Variants in ARHGEF10 observed in about 807,000 individuals in gnomAD.
The protein encoded by ARHGEF10 is Rho guanine nucleotide exchange factor (GEF) 10.
A neutral mutation model predicts 147.4 loss-of-function variants in ARHGEF10; 140 were observed. The observed-to-expected ratio is 0.95, with a 90% CI of 0.83 to 1.09. The LOEUF (loss-of-function observed/expected upper bound fraction) is 1.09, where lower values mean the gene tolerates loss of function less well. Among genes scored for constraint, ARHGEF10 ranks in the 50% least tolerant of loss-of-function variants. The pLI, the probability that ARHGEF10 is intolerant of heterozygous loss-of-function variation, is 0.00. For missense variants in ARHGEF10, 2,222 were observed against 1,752.7 expected, an observed-to-expected ratio of 1.27 and a Z score of -4.78; for synonymous variants, 902 against 695.8, an observed-to-expected ratio of 1.30 and a Z score of -4.67.
At chr8:1,843,288 C>T in intron 1 of ARHGEF10, 65 bp from the exon 2 acceptor site, 1 of 1,303,316 alleles carries the variant, frequency 7.7e-7, no homozygotes, top group Admixed American at 1.9e-5. Context: ...GTCGACAGCC[C>T]TACACCTATT....
At position 1,866,568 on chromosome 8, in the gene ARHGEF10, G is replaced by T. The variant is rs1225951895; in HGVS notation, c.588G>T (p.Trp196Cys). Residue 196 changes from tryptophan to cysteine, a missense_variant, in exon 6 of 29, where the codon TGG becomes TGT. Transcript: ENST00000349830. ...VGREDSALAR[W>C]AADPANTAWM... ...GAGAGGACAGCGCACTTGCCCGCTG[G>T]GCCGCAGACCCGGCCAACACAGCCT... The T allele has an allele frequency of 6.2e-7, 1 of 1,608,590 alleles. No homozygotes were observed.
chr8:1,955,552 T>A (rs534929899), intron 28 of ARHGEF10, among the ~76,000 whole-genome samples: 2 of 148,026 alleles, frequency 1.4e-5, no homozygotes, highest in African/African-American at 2.5e-5. Context: ...GCACTCTCAC[T>A]GTTTCTCTGG....
At chr8:1,878,821 C>G (rs1356944742) in intron 8 of ARHGEF10, among the ~76,000 whole-genome samples, 3 of 152,160 alleles carry the variant, frequency 2.0e-5, no homozygotes, top group Non-Finnish European at 2.9e-5. Context: ...GCAGCCCTCC[C>G]TGCTGGGCGA....
intron 2 of ARHGEF10, among the ~76,000 whole-genome samples, chr8:1,849,186 A>T (rs1804779517): frequency 6.6e-6 from 1 of 152,282 alleles, no homozygotes; most frequent in Non-Finnish European, 1.5e-5. Context: ...TCAAATTAGA[A>T]TAGCCAAAAT....
chr8:1,903,668 G>C, intron 16 of ARHGEF10: 1 of 625,536 alleles, frequency 1.6e-6, no homozygotes, highest in Non-Finnish European at 2.8e-6. Context: ...ATTTTCTTAG[G>C]AAAGAGATTC....
intron 15 of ARHGEF10, among the ~76,000 whole-genome samples, chr8:1,899,784 C>A (rs574109000): frequency 5.3e-5 from 8 of 152,326 alleles, no homozygotes; most frequent in African/African-American, 1.9e-4. Flanking sequence ...ACGTGCGAGA[C>A]GCTGTTGGCT....
Position 1,843,355 on chromosome 8 carries a change from G to A in ARHGEF10, c.-45G>A, listed in dbSNP as rs2129051440. The A allele has an allele frequency of 6.2e-7, 1 of 1,611,700 alleles. No individual in the cohort carries two copies. The highest frequency in any genetic ancestry group is 8.5e-7 in the Non-Finnish European group (1 of 1,179,696). ...AGCAGTGTCTCTCCTTCTTGCAGGA[G>A]CTCCTTCCCTTAACAGAGCTGAGAG... On this transcript the variant is annotated splice_region_variant and 5_prime_UTR_variant, in exon 2 of 29. Transcript: ENST00000349830.
chr8:1,866,185 G>C (rs974070990), intron 5 of ARHGEF10, among the ~76,000 whole-genome samples: 5 of 152,152 alleles, frequency 3.3e-5, no homozygotes, highest in Non-Finnish European at 4.4e-5. Flanking sequence ...GTTGTGAGCA[G>C]GGCCTAAGAG....
rs568263481 is a variant in ARHGEF10 at position 1,955,609 on chromosome 8, C to T, written c.3521-1140C>T. Among the ~76,000 whole-genome samples, 6 of 151,766 alleles carry T rather than the reference C, an allele frequency of 4.0e-5. No homozygotes were observed. The South Asian group carries it at 1.2e-3, about 32-fold the overall frequency. The stretch of plus-strand genomic sequence containing the variant: ...GAAAGGAGGTGCACTCTCACTGTTT[C>T]TCTGGATGGGTAGCGAGGTGCTTCC... On this transcript the variant is annotated intron_variant, in intron 28 of 28. Transcript: ENST00000349830.
At chr8:1,826,240 T>A in intron 1 of ARHGEF10, 1 of 1,061,180 alleles carries the variant, frequency 9.4e-7, no homozygotes, top group Non-Finnish European at 1.4e-6. Context: ...TTTATGTTTT[T>A]AAAAGTTGAT....
intron 6 of ARHGEF10, among the ~76,000 whole-genome samples, chr8:1,868,648 C>G (rs558886351): frequency 2.6e-5 from 4 of 152,182 alleles, no homozygotes; most frequent in Non-Finnish European, 5.9e-5. Flanking sequence ...CATTTTGATA[C>G]TTGCTACTAC....
In ARHGEF10 at chr8:1,893,633, A is replaced by G; in HGVS notation, c.1247A>G (p.Lys416Arg). The G allele has an allele frequency of 6.2e-7, 1 of 1,612,552 alleles. No homozygotes were observed. The highest frequency in any genetic ancestry group is 8.5e-7 in the Non-Finnish European group (1 of 1,178,676). The change falls in exon 12 of 29, where the codon AAG becomes AGG. Residue 416 changes from lysine (K) to arginine (R), a missense_variant. By Grantham distance (26) the Lys-to-Arg change is conservative (BLOSUM62 2). Transcript: ENST00000349830. ...DSEKNYVDAL[K>R]RILEQYEKPL... ...GAAAAGAACTACGTAGATGCTCTTA[A>G]GAGGATTTTGGAGGTACTTAAGTGT...
At chr8:1,928,365 C>A in intron 23 of ARHGEF10, 62 bp from the exon 24 acceptor site, 1 of 1,497,674 alleles carries the variant, frequency 6.7e-7, no homozygotes, top group Non-Finnish European at 9.3e-7. Flanking sequence ...GGTCAGGTTC[C>A]AGCGTATTAT....
chr8:1,919,247 A>T (rs1157310158), intron 18 of ARHGEF10, among the ~76,000 whole-genome samples: 1 of 139,632 alleles, frequency 7.2e-6, no homozygotes, highest in African/African-American at 2.8e-5. Context: ...CTGTCGAGTG[A>T]TGGAGCTGTT....
intron 11 of ARHGEF10, among the ~76,000 whole-genome samples, chr8:1,888,118 GTGGGGTGAGGGTTTGCGAGGAGA>G (rs1808873414): frequency 1.0e-5 from 1 of 96,920 alleles, no homozygotes; most frequent in African/African-American, 9.3e-5. Context: ...GAGACACTTA[GTGGGGTGAGGGTTTGCGAGGAGA>G]CACTTAGTGG....
intron 8 of ARHGEF10, among the ~76,000 whole-genome samples, chr8:1,877,842 G>A (rs1164176498): frequency 1.3e-5 from 2 of 152,106 alleles, no homozygotes; most frequent in Non-Finnish European, 2.9e-5. Context: ...GTCTGAGGCT[G>A]GCGAGTCCCG....
intron 1 of ARHGEF10, among the ~76,000 whole-genome samples, chr8:1,834,210 G>C (rs562241404): frequency 6.6e-6 from 1 of 152,358 alleles, no homozygotes; most frequent in African/African-American, 2.4e-5. Context: ...GGTCACACCT[G>C]CTTGGGGCCC....
chr8:1,902,450 C>T (rs772996516), intron 15 of ARHGEF10, among the ~76,000 whole-genome samples: 1 of 152,268 alleles, frequency 6.6e-6, no homozygotes, highest in African/African-American at 2.4e-5. Context: ...TCCCTTTGAC[C>T]TCCTCGTGCT....
intron 4 of ARHGEF10, among the ~76,000 whole-genome samples, chr8:1,862,769 C>T (rs375055789): frequency 3.8e-5 from 4 of 105,320 alleles, no homozygotes; most frequent in East Asian, 2.8e-4. Flanking sequence ...TCCTTTTTTT[C>T]TTCTTCTTTT....
Sources: gnomAD v4.1 joint callset for allele counts (sites outside exome capture counted in the v4.1 genomes callset) on GRCh38, gnomAD v4.1.1 for gene constraint, MANE v1.5 for transcripts, NCBI Gene and HGNC (gene_info 2026-07-23, HGNC 2026-07-21) for gene names.